ATR: variants seen among roughly 807,000 people sequenced by gnomAD.
The protein encoded by ATR is serine/threonine-protein kinase ATR.
ATR carries 142 observed loss-of-function variants against 305.3 expected under a neutral mutation model. The ratio of observed to expected loss-of-function variants is 0.47; its 90% CI spans 0.41 to 0.53. The LOEUF (loss-of-function observed/expected upper bound fraction) is 0.53. Among genes scored for constraint, ATR ranks in the 20% least tolerant of loss-of-function variants. The pLI is 0.00. For missense variants in ATR, 2,135 were observed against 3,133.1 expected (o/e 0.68, Z 7.60); for synonymous variants, 1,050 against 1,068.1 (o/e 0.98, Z 0.33).
At chr3:142,506,967 T>C (rs977615063) in intron 28 of ATR, among the ~76,000 whole-genome samples, 1 of 152,194 alleles carries the variant, frequency 6.6e-6, no homozygotes, top group Admixed American at 6.5e-5. Flanking sequence ...TGTGTAATTT[T>C]TCTCCAGCTG....
At chr3:142,483,872 A>AT (rs1323939478) in intron 36 of ATR, among the ~76,000 whole-genome samples, 1 of 136,048 alleles carries the variant, frequency 7.4e-6, no homozygotes, top group Non-Finnish European at 1.7e-5. Context: ...AAAATAAAAT[A>AT]AAATATATAT....
intron 27 of ATR, among the ~76,000 whole-genome samples, chr3:142,511,896 C>T (rs551393667): frequency 6.6e-6 from 1 of 152,020 alleles, no homozygotes; most frequent in South Asian, 2.1e-4. Context: ...GATAGATCAC[C>T]TGAGGTCAGG....
chr3:142,560,401 T>C lies in ATR; in HGVS notation c.1403A>G (p.Gln468Arg), dbSNP rs2034833475. ...QKSILWSALK[Q>R]KAESLQISLE... is the part of the protein sequence containing the mutation. ...GGAAATCTGAAGGGATTCAGCTTTC[T>C]GTTTCAGTGCACTCCATAATATGCT... is the stretch of plus-strand genomic sequence containing the variant. The change falls in exon 6 of 47, where the codon CAG (glutamine) becomes CGG (arginine). Residue 468 changes from glutamine (Q) to arginine (R), a missense_variant. Around this residue, in one of 9 missense-constraint regions of ATR, gnomAD observed 744 missense variants for 873.2 expected, o/e 0.85. Transcript: ENST00000350721. The C allele has an allele frequency of 1.2e-6, 2 of 1,613,758 alleles. No homozygotes were observed. Among genetic ancestry groups the C allele is most frequent in the Non-Finnish European group, 1.7e-6 (2 of 1,179,730 alleles).
intron 35 of ATR, among the ~76,000 whole-genome samples, chr3:142,486,997 T>C (rs998230915): frequency 1.5e-5 from 2 of 134,122 alleles, no homozygotes; most frequent in Non-Finnish European, 3.1e-5. Flanking sequence ...AGCCGGGCGG[T>C]GGCAGGCGCC....
chr3:142,542,892 TTAAG>T (rs1391399850), intron 16 of ATR, 135 bp from the exon 17 acceptor site: 11 of 735,812 alleles, frequency 1.5e-5, no homozygotes, highest in African/African-American at 8.9e-5. Flanking sequence ...ACTTGGTTAA[TTAAG>T]TTTCTCCAAA....
intron 44 of ATR, 57 bp from the exon 45 acceptor site, chr3:142,457,812 C>T: frequency 4.4e-6 from 7 of 1,580,798 alleles, no homozygotes; most frequent in Non-Finnish European, 5.2e-6. Context: ...AAAATCTTTA[C>T]TCAAAGAACT....
chr3:142,507,736 A>C (rs2032331409), intron 28 of ATR, among the ~76,000 whole-genome samples, 195 bp downstream of exon 28: 1 of 152,192 alleles, frequency 6.6e-6, no homozygotes, highest in African/African-American at 2.4e-5. Context: ...CACATGGATG[A>C]GTTAAGTGTC....
intron 24 of ATR, among the ~76,000 whole-genome samples, chr3:142,516,094 A>C (rs150230934): frequency 6.6e-6 from 1 of 152,240 alleles, no homozygotes; most frequent in East Asian, 1.9e-4. Flanking sequence ...CTAAATTTCC[A>C]GTTTTTTCAC....
Position 142,540,915 on chromosome 3 carries a change from T to C in ATR, c.3570A>G (p.Glu1190=). ...AGGCAGTCATTTACCTGCAACACAA[T>C]TCAGGAAAATCATCCTTGAATCGAA... is the stretch of plus-strand genomic sequence containing the variant. ...TGLRFKDDFP[E]LCCRAWDCFV... Residue 1190 remains glutamate, a synonymous_variant, in exon 18 of 47, where the codon GAA becomes GAG. Coordinates refer to ENST00000350721, the MANE Select transcript of ATR (RefSeq NM_001184.4). The C allele has an allele frequency of 6.2e-7, 1 of 1,611,436 alleles. No individual in the cohort carries two copies. The highest frequency in any genetic ancestry group is 8.5e-7 in the Non-Finnish European group (1 of 1,178,768).
intron 1 of ATR, among the ~76,000 whole-genome samples, chr3:142,576,050 G>T (rs1364118219): frequency 2.0e-5 from 3 of 152,210 alleles, no homozygotes; most frequent in Admixed American, 2.0e-4. Context: ...AAGTAGAAAT[G>T]GAAAGATCAA....
intron 36 of ATR, among the ~76,000 whole-genome samples, chr3:142,476,526 G>A (rs377732362): frequency 3.9e-5 from 6 of 152,106 alleles, no homozygotes; most frequent in South Asian, 2.1e-4. Context: ...GTCAGGTAGC[G>A]TGATGCCTCC....
chr3:142,461,608 T>C (rs2071024613), intron 42 of ATR, among the ~76,000 whole-genome samples: 1 of 152,164 alleles, frequency 6.6e-6, no homozygotes, highest in African/African-American at 2.4e-5. Context: ...TTATACAACA[T>C]ATTTACTTAC....
intron 42 of ATR, among the ~76,000 whole-genome samples, chr3:142,461,300 T>C (rs1017491223): frequency 6.6e-6 from 1 of 152,192 alleles, no homozygotes; most frequent in Non-Finnish European, 1.5e-5. Flanking sequence ...TGCTAATTGC[T>C]GATTTCCCAT....
In ATR at chr3:142,503,427, C is replaced by T. The variant is rs774431899; in HGVS notation, c.5223G>A (p.Lys1741=). 6.2e-7 allele frequency: 1 copy of T among 1,604,300 alleles called. No homozygotes were observed. The highest frequency in any genetic ancestry group is 1.7e-4 in the Middle Eastern group (1 of 6,030). Residue 1741 remains lysine (K), a synonymous_variant, in exon 30 of 47, where the codon AAG becomes AAA. Transcript: ENST00000350721. ...ACAGCTGACCAAGACCTAACATGGA[C>T]TTTACTACACCATGATAATGAATGA... ...DQIIHYHGVV[K]SMLGLGQLST...
At chr3:142,537,712 A>ATT (rs2033908636) in intron 19 of ATR, among the ~76,000 whole-genome samples, 7 of 152,178 alleles carry the variant, frequency 4.6e-5, no homozygotes, top group Admixed American at 4.6e-4. Flanking sequence ...CAAGCAAAGG[A>ATT]ATGATTATAT....
chr3:142,462,145 T>C, intron 41 of ATR, 55 bp from the exon 42 acceptor site: 1 of 1,497,104 alleles, frequency 6.7e-7, no homozygotes, highest in Admixed American at 1.7e-5. Context: ...AATTTCTAAA[T>C]GTTATATCAA....
At chr3:142,493,069 T>C (rs1041102090) in intron 35 of ATR, 63 bp downstream of exon 35, 2 of 1,564,782 alleles carry the variant, frequency 1.3e-6, no homozygotes, top group South Asian at 1.2e-5. Context: ...CTTTGCCATA[T>C]AGACTTAAGT....
intron 1 of ATR, among the ~76,000 whole-genome samples, chr3:142,575,929 A>T (rs2035422689): frequency 6.6e-6 from 1 of 152,232 alleles, no homozygotes; most frequent in Non-Finnish European, 1.5e-5. Context: ...TTTTATACTG[A>T]TTTTAAGTGT....
rs533712135 is a variant in ATR, at chr3:142,560,565, T to A, written c.1350-111A>T. On this transcript the variant is annotated intron_variant, in intron 5 of 46. Coordinates refer to ENST00000350721, the MANE Select transcript of ATR (RefSeq NM_001184.4). ...ATGTAATATCAACTATTCAAAAAAA[T>A]TTTTTTTTTTTGTGAGACAGAGTCT... The A allele has an allele frequency of 1.4e-3, 714 of 517,178 alleles. 2 individuals are homozygous for A. The highest frequency in any genetic ancestry group is 6.0e-3 in the African/African-American group (291 of 48,576). 32.0% of individuals were successfully genotyped at this position (517,178 alleles called of 1,614,324 possible).
Sources: allele counts gnomAD v4.1 joint callset (sites outside exome capture counted in the v4.1 genomes callset), GRCh38; gene constraint gnomAD v4.1.1; regional missense constraint gnomAD v4.1.1; transcripts MANE v1.5; gene names NCBI Gene and HGNC (gene_info 2026-07-23, HGNC 2026-07-21).